Variants in DENND5A observed in about 807,000 individuals in gnomAD.
DENND5A encodes the protein DENN domain containing 5A.
Under a neutral mutation model 140.3 loss-of-function variants are expected in DENND5A, and 64 were observed. The observed-to-expected ratio is 0.46, with a 90% CI of 0.37 to 0.56. The LOEUF is 0.56. Ranked by LOEUF, DENND5A falls within the 20% of genes least tolerant of loss-of-function variation. DENND5A has a pLI of 0.00. For missense variants in DENND5A, 1,292 were observed against 1,593.8 expected (o/e 0.81, Z 3.22); for synonymous variants, 605 against 607.7 (o/e 1.00, Z 0.07).
At chr11:9,161,532 C>G (rs1241687486) in intron 11 of DENND5A, among the ~76,000 whole-genome samples, 1 of 152,358 alleles carries the variant, frequency 6.6e-6, no homozygotes, top group East Asian at 1.9e-4. Context: ...ACCAAACAAA[C>G]CTTTGAGCAT....
intron 22 of DENND5A, 70 bp downstream of exon 22, chr11:9,141,870 A>G: frequency 6.9e-7 from 1 of 1,443,014 alleles, no homozygotes; most frequent in African/African-American, 1.4e-5. Flanking sequence ...TCACCCCTGC[A>G]CTGCACCAGG....
chr11:9,193,575 G>T lies in DENND5A; in HGVS notation c.1056C>A (p.Phe352Leu). Residue 352 changes from phenylalanine to leucine, a missense_variant, in exon 5 of 23, where the codon TTC becomes TTA. By Grantham distance (22) the Phe-to-Leu change is conservative. Transcript: ENST00000328194. ...TCAGGTATGGAACAGGAGCATCTAA[G>T]AAATGCAGGAGAGAAGCTGGGAGAA... is the stretch of plus-strand genomic sequence containing the variant. Reference protein sequence around the residue: ...VPILPASLLHFLDAPVPYLMG... With the variant: ...VPILPASLLHLLDAPVPYLMG... 6.2e-7 allele frequency: 1 copy of T among 1,614,100 alleles called. No individual in the cohort carries two copies. Among genetic ancestry groups the T allele is most frequent in the Non-Finnish European group, 8.5e-7 (1 of 1,180,000 alleles).
At chr11:9,143,291 T>C (rs564674339) in intron 20 of DENND5A, 112 bp downstream of exon 20, 1 of 947,108 alleles carries the variant, frequency 1.1e-6, no homozygotes, top group Admixed American at 1.7e-5. Flanking sequence ...TACAAGACTC[T>C]AGGGTGTCCA....
chr11:9,167,743 C>T (rs1848238812), intron 10 of DENND5A, among the ~76,000 whole-genome samples: 1 of 152,104 alleles, frequency 6.6e-6, no homozygotes, highest in African/African-American at 2.4e-5. Flanking sequence ...GCAGAGGTTG[C>T]AGTGAGCCAA....
chr11:9,145,624 T>C (rs554701548), intron 17 of DENND5A, 46 bp downstream of exon 17: 1 of 1,610,022 alleles, frequency 6.2e-7, no homozygotes. Flanking sequence ...AAGCGGCTGT[T>C]GCAAACTCAG....
At chr11:9,143,586 G>A in intron 19 of DENND5A, 101 bp from the exon 20 acceptor site, 4 of 973,122 alleles carry the variant, frequency 4.1e-6, no homozygotes, top group Non-Finnish European at 6.6e-6. Context: ...CCATAGGAGA[G>A]GCAGGGCAGC....
intron 1 of DENND5A, among the ~76,000 whole-genome samples, chr11:9,243,097 AAAAAAAAC>A (rs1308733451): frequency 6.5e-5 from 9 of 138,434 alleles, no homozygotes; most frequent in African/African-American, 1.9e-4. Context: ...CAAAAAAAAA[AAAAAAAAC>A]AAAAAAAAAA....
In DENND5A at chr11:9,184,873, G is replaced by A. The variant is rs547519570; in HGVS notation, c.1138-3789C>T. Among the ~76,000 whole-genome samples, 4 of 152,196 alleles carry A rather than the reference G, an allele frequency of 2.6e-5. No homozygotes were observed. In the South Asian group the frequency reaches 8.3e-4, roughly 32 times the overall value. ...GTATTTCTTCAGTTTTTATCTTTAA[G>A]GTGTCTTTTTCTTCATTTAGAAAAT... On this transcript the variant is annotated intron_variant, in intron 5 of 22. Coordinates refer to ENST00000328194, the MANE Select transcript of DENND5A (RefSeq NM_015213.4).
chr11:9,248,360 T>A (rs1163409077), intron 1 of DENND5A, among the ~76,000 whole-genome samples: 1 of 151,998 alleles, frequency 6.6e-6, no homozygotes, highest in African/African-American at 2.4e-5. Flanking sequence ...TGGTCATGAC[T>A]TAAAGGGAGG....
At chr11:9,243,729 T>C (rs1454821237) in intron 1 of DENND5A, among the ~76,000 whole-genome samples, 2 of 152,076 alleles carry the variant, frequency 1.3e-5, no homozygotes, top group East Asian at 1.9e-4. Flanking sequence ...CTACTAAAAA[T>C]ACAAAAATTA....
intron 1 of DENND5A, among the ~76,000 whole-genome samples, chr11:9,218,276 A>G (rs773188492): frequency 4.5e-4 from 69 of 152,256 alleles, no homozygotes; most frequent in Non-Finnish European, 6.9e-4. Context: ...TAAACAAAAA[A>G]AAAACAAGCT....
intron 1 of DENND5A, among the ~76,000 whole-genome samples, chr11:9,217,516 A>T (rs1225334746): frequency 1.3e-5 from 2 of 152,142 alleles, no homozygotes; most frequent in South Asian, 2.1e-4. Flanking sequence ...ATTCCGTCTC[A>T]AATTAATTAA....
chr11:9,241,689 C>T (rs1234815142), intron 1 of DENND5A, among the ~76,000 whole-genome samples: 1 of 152,280 alleles, frequency 6.6e-6, no homozygotes, highest in South Asian at 2.1e-4. Flanking sequence ...TTGTCATCCT[C>T]TCAGTGAGGT....
chr11:9,191,381 G>C (rs1220971326), intron 5 of DENND5A, among the ~76,000 whole-genome samples: 2 of 152,120 alleles, frequency 1.3e-5, no homozygotes, highest in Non-Finnish European at 2.9e-5. Flanking sequence ...GGGACTACAG[G>C]CGTGCACCAC....
At chr11:9,152,657 T>C (rs1415117426) in intron 12 of DENND5A, among the ~76,000 whole-genome samples, 2 of 151,958 alleles carry the variant, frequency 1.3e-5, no homozygotes, top group Admixed American at 1.3e-4. Flanking sequence ...GGTCCCCTAC[T>C]GGGAATAGAA....
At chr11:9,186,803 G>A (rs1427477863) in intron 5 of DENND5A, among the ~76,000 whole-genome samples, 3 of 152,156 alleles carry the variant, frequency 2.0e-5, no homozygotes, top group African/African-American at 7.2e-5. Flanking sequence ...TAAAAGAGCC[G>A]GGTGCGGTGG....
intron 8 of DENND5A, among the ~76,000 whole-genome samples, chr11:9,175,987 A>G (rs1161477053): frequency 6.6e-6 from 1 of 152,218 alleles, no homozygotes; most frequent in Non-Finnish European, 1.5e-5. Context: ...TTTGTTCTCA[A>G]AAAGACAATT....
intron 11 of DENND5A, among the ~76,000 whole-genome samples, chr11:9,161,756 G>A (rs1847991559): frequency 6.6e-6 from 1 of 151,974 alleles, no homozygotes; most frequent in African/African-American, 2.4e-5. Flanking sequence ...ACAATCTGAG[G>A]TAACTATTAT....
chr11:9,147,728 C>T (rs904632446), intron 15 of DENND5A, among the ~76,000 whole-genome samples: 1 of 152,232 alleles, frequency 6.6e-6, no homozygotes, highest in African/African-American at 2.4e-5. Context: ...TCATATCCTT[C>T]CCCTTTTTTC....
Sources: gnomAD v4.1 joint callset for allele counts (sites outside exome capture counted in the v4.1 genomes callset) on GRCh38, gnomAD v4.1.1 for gene constraint, MANE v1.5 for transcripts, NCBI Gene and HGNC (gene_info 2026-07-23, HGNC 2026-07-21) for gene names.